The following PKHD1L1 variants were observed in gnomAD, a reference collection of about 807,000 sequenced individuals.
PKHD1L1 encodes PKHD1 like 1, also known as fibrocystin-L.
A neutral mutation model predicts 462.9 loss-of-function variants in PKHD1L1; 434 were observed. The observed-to-expected ratio is 0.94, with a 90% CI of 0.87 to 1.02. The LOEUF is 1.02. Among genes scored for constraint, PKHD1L1 ranks in the 50% least tolerant of loss-of-function variants. The probability of loss-of-function intolerance (pLI) is 0.00; values close to 1 mark genes in which losing one functional copy is unlikely to be tolerated. For missense variants in PKHD1L1, 5,202 were observed against 5,096.1 expected (o/e 1.02, Z -0.63); for synonymous variants, 1,781 against 1,750.0 (o/e 1.02, Z -0.44).
chr8:109,515,731 A>C (rs1820235833), intron 72 of PKHD1L1, among the ~76,000 whole-genome samples: 1 of 152,168 alleles, frequency 6.6e-6, no homozygotes, highest in East Asian at 1.9e-4. Flanking sequence ...ATATAACATC[A>C]ACTGAAGGTT....
intron 7 of PKHD1L1, among the ~76,000 whole-genome samples, 180 bp downstream of exon 7, chr8:109,388,730 G>A (rs1343256330): frequency 6.6e-6 from 1 of 152,030 alleles, no homozygotes; most frequent in Admixed American, 6.6e-5. Context: ...TTACAGTTAG[G>A]TCTCCAAGAT....
At chr8:109,529,550 GCTTACTCCTGACAA>G (rs1820975107) in intron 77 of PKHD1L1, among the ~76,000 whole-genome samples, 1 of 151,960 alleles carries the variant, frequency 6.6e-6, no homozygotes, top group Admixed American at 6.6e-5. Flanking sequence ...CTCTCATCCT[GCTTACTCCTGACAA>G]CTTTGGTACT....
At chr8:109,439,566 G>A (rs1311401878) in intron 32 of PKHD1L1, among the ~76,000 whole-genome samples, 2 of 152,108 alleles carry the variant, frequency 1.3e-5, no homozygotes, top group Non-Finnish European at 2.9e-5. Context: ...AATAGAGAGA[G>A]CTAACTTATC....
At chr8:109,451,266 C>A in intron 41 of PKHD1L1, 117 bp downstream of exon 41, 1 of 1,125,422 alleles carries the variant, frequency 8.9e-7, no homozygotes, top group Non-Finnish European at 1.2e-6. Context: ...TACCTATATG[C>A]TCGTAACTTA....
chr8:109,439,187 T>A, intron 32 of PKHD1L1, 95 bp downstream of exon 32: 3 of 1,154,376 alleles, frequency 2.6e-6, no homozygotes, highest in Non-Finnish European at 3.7e-6. Context: ...CTTTAGGTGT[T>A]AATTGTTCTC....
chr8:109,382,897 C>T (rs1472558029), intron 4 of PKHD1L1, among the ~76,000 whole-genome samples: 1 of 149,866 alleles, frequency 6.7e-6, no homozygotes, highest in East Asian at 2.0e-4. Flanking sequence ...AAGTAACTAC[C>T]TTTCCTTTCT....
intron 4 of PKHD1L1, among the ~76,000 whole-genome samples, chr8:109,383,412 T>G (rs1404138285): frequency 8.3e-6 from 1 of 120,538 alleles, no homozygotes; most frequent in African/African-American, 3.2e-5. Flanking sequence ...CGTATAATTA[T>G]ATATTATATA....
chr8:109,364,623 T>C lies in PKHD1L1; in HGVS notation c.150T>C (p.Thr50=). 1 of 1,527,394 alleles carries C rather than the reference T, an allele frequency of 6.5e-7. No individual in the cohort carries two copies. Among genetic ancestry groups the C allele is most frequent in the Non-Finnish European group, 9.0e-7 (1 of 1,113,884 alleles). 94.6% of individuals were successfully genotyped at this position (1,527,394 alleles called of 1,614,324 possible). A position where few individuals can be genotyped will look rare whatever the true frequency, so the allele number is the denominator to read the frequency against. The change falls in exon 2 of 78, where the codon ACT becomes ACC. Residue 50 remains threonine (T), a synonymous_variant. Transcript: ENST00000378402. ...GTATAAATGGAGCAACAAGGCTGAC[T>C]ATAAGAGGGGAAGGTATCGTTGCTT... ...YGSINGATRL[T]IRGEGFSQAN...
intron 71 of PKHD1L1, among the ~76,000 whole-genome samples, chr8:109,512,060 A>C (rs1820018383): frequency 6.6e-6 from 1 of 151,662 alleles, no homozygotes; most frequent in South Asian, 2.1e-4. Context: ...TTTTCTTGTA[A>C]ATTTGTTTGA....
intron 50 of PKHD1L1, among the ~76,000 whole-genome samples, chr8:109,471,391 T>C (rs954256204): frequency 6.6e-6 from 1 of 152,176 alleles, no homozygotes; most frequent in Non-Finnish European, 1.5e-5. Flanking sequence ...GTAAAGAACA[T>C]TCTCTCATAG....
intron 50 of PKHD1L1, chr8:109,471,261 A>G (rs1817701399): frequency 4.0e-6 from 2 of 497,128 alleles, no homozygotes; most frequent in African/African-American, 4.0e-5. Context: ...TAAAATCCAG[A>G]CTTTCTTTTT....
At position 109,504,441 on chromosome 8, in the gene PKHD1L1, T is replaced by C; in HGVS notation, c.10943T>C (p.Leu3648Pro). The C allele has an allele frequency of 6.4e-7, 1 of 1,560,984 alleles. No individual in the cohort carries two copies. Among genetic ancestry groups the C allele is most frequent in the Non-Finnish European group, 8.7e-7 (1 of 1,145,480 alleles). ...CCAATCCATGTGAAGAATATAAAAC[T>C]GGTTGATACCACTGAACAATCAAAA... ...QHPIHVKNIK[L>P]VDTTEQSKIF... The change falls in exon 68 of 78, where the codon CTG becomes CCG. Residue 3648 changes from leucine to proline, a missense_variant. By Grantham distance (98) the Leu-to-Pro change is moderately conservative. Coordinates refer to ENST00000378402, the MANE Select transcript of PKHD1L1 (RefSeq NM_177531.6).
intron 70 of PKHD1L1, among the ~76,000 whole-genome samples, chr8:109,510,025 A>G (rs1180703586): frequency 6.6e-6 from 1 of 152,132 alleles, no homozygotes; most frequent in Non-Finnish European, 1.5e-5. Context: ...TCAGGTAGAA[A>G]AGCATTCACT....
At chr8:109,370,509 A>T (rs1336669670) in intron 2 of PKHD1L1, among the ~76,000 whole-genome samples, 2 of 150,734 alleles carry the variant, frequency 1.3e-5, no homozygotes, top group African/African-American at 4.9e-5. Context: ...TTATTTTTTT[A>T]ATTTTATTAT....
At chr8:109,442,449 AT>A (rs929058431) in intron 35 of PKHD1L1, among the ~76,000 whole-genome samples, 22 of 152,344 alleles carry the variant, frequency 1.4e-4, no homozygotes, top group African/African-American at 3.8e-4. Context: ...TGAAAAACAT[AT>A]TGAAAAAGCA....
intron 9 of PKHD1L1, among the ~76,000 whole-genome samples, chr8:109,392,618 G>A (rs1345299975): frequency 6.6e-6 from 1 of 151,700 alleles, no homozygotes; most frequent in Non-Finnish European, 1.5e-5. Flanking sequence ...TGACATTTAT[G>A]ATTTAAAATC....
At chr8:109,408,427 C>G (rs535722925) in intron 18 of PKHD1L1, among the ~76,000 whole-genome samples, 40 of 152,244 alleles carry the variant, frequency 2.6e-4, no homozygotes, top group African/African-American at 8.2e-4. Flanking sequence ...CCAGACAAGG[C>G]ATATCTCAAA....
chr8:109,423,768 C>T (rs769943241), intron 23 of PKHD1L1, among the ~76,000 whole-genome samples: 43 of 152,110 alleles, frequency 2.8e-4, no homozygotes, highest in Non-Finnish European at 5.6e-4. Context: ...CAGTATGTCT[C>T]TCCAATTATT....
At chr8:109,530,011 AATATATTTTAAATT>A in intron 77 of PKHD1L1, 55 bp from the exon 78 acceptor site, 1 of 935,620 alleles carries the variant, frequency 1.1e-6, no homozygotes. Context: ...AAATTAATGA[AATATATTTTAAATT>A]ATACTATATG....
Sources: gnomAD v4.1 joint callset for allele counts (sites outside exome capture counted in the v4.1 genomes callset) on GRCh38, gnomAD v4.1.1 for gene constraint, MANE v1.5 for transcripts, NCBI Gene and HGNC (gene_info 2026-07-23, HGNC 2026-07-21) for gene names.